KCTD9: variants seen among roughly 807,000 people sequenced by gnomAD.
KCTD9 encodes the protein potassium channel tetramerization domain containing 9, also known as BTB/POZ domain-containing protein KCTD9.
Under a neutral mutation model 53.3 loss-of-function variants are expected in KCTD9, and 17 were observed. The ratio of observed to expected loss-of-function variants is 0.32; its 90% CI spans 0.22 to 0.48. The LOEUF (loss-of-function observed/expected upper bound fraction) is 0.48, where lower values mean the gene tolerates loss of function less well. Ranked by LOEUF, KCTD9 falls within the 20% of genes least tolerant of loss-of-function variation. The pLI is 0.99. For missense variants in KCTD9, 179 were observed against 465.5 expected, an observed-to-expected ratio of 0.38 and a Z score of 5.66; for synonymous variants, 128 against 162.7, an observed-to-expected ratio of 0.79 and a Z score of 1.62.
chr8:25,456,909 T>G (rs1459037774), intron 1 of KCTD9, among the ~76,000 whole-genome samples: 2 of 152,220 alleles, frequency 1.3e-5, no homozygotes, highest in Non-Finnish European at 2.9e-5. Context: ...TTGAACATAC[T>G]AAATCTTTCT....
chr8:25,457,439 G>A (rs910032403), intron 1 of KCTD9: 1 of 913,950 alleles, frequency 1.1e-6, no homozygotes, highest in Non-Finnish European at 1.3e-6. Context: ...AAGAGAATTC[G>A]TTTTGGCTTG....
chr8:25,446,781 A>G (rs1693645696), intron 1 of KCTD9, among the ~76,000 whole-genome samples: 1 of 152,206 alleles, frequency 6.6e-6, no homozygotes, highest in African/African-American at 2.4e-5. Flanking sequence ...TGTTTATTAT[A>G]TCATTAACGA....
At chr8:25,434,246 T>C (rs749385263) in intron 9 of KCTD9, among the ~76,000 whole-genome samples, 3 of 152,076 alleles carry the variant, frequency 2.0e-5, no homozygotes, top group Non-Finnish European at 4.4e-5. Context: ...ATTACAGGCA[T>C]GCACCACCAC....
At chr8:25,435,227 A>G in intron 9 of KCTD9, 136 bp downstream of exon 9, 1 of 565,790 alleles carries the variant, frequency 1.8e-6, no homozygotes, top group East Asian at 3.3e-5. Context: ...TTAGTCTTAT[A>G]TCAACATAAT....
At chr8:25,440,882 G>C (rs1218538074) in intron 3 of KCTD9, among the ~76,000 whole-genome samples, 1 of 152,192 alleles carries the variant, frequency 6.6e-6, no homozygotes, top group African/African-American at 2.4e-5. Context: ...AGAGCAGCAT[G>C]CTTTCAGCGC....
At chr8:25,442,057 C>T (rs1430833412) in intron 3 of KCTD9, among the ~76,000 whole-genome samples, 1 of 151,844 alleles carries the variant, frequency 6.6e-6, no homozygotes, top group Non-Finnish European at 1.5e-5. Context: ...ACATAAAAGA[C>T]AAGTGTAAAA....
intron 11 of KCTD9, among the ~76,000 whole-genome samples, chr8:25,431,118 A>C (rs1037051938): frequency 6.6e-6 from 1 of 152,194 alleles, no homozygotes; most frequent in South Asian, 2.1e-4. Flanking sequence ...GGCATGAGCC[A>C]CTGCGCCTGG....
At chr8:25,457,096 T>C (rs1802456220) in intron 1 of KCTD9, among the ~76,000 whole-genome samples, 1 of 152,198 alleles carries the variant, frequency 6.6e-6, no homozygotes, top group Non-Finnish European at 1.5e-5. Context: ...ATTAAATCTC[T>C]AAGACCAAAA....
chr8:25,443,274 T>C (rs1353484677), intron 3 of KCTD9, among the ~76,000 whole-genome samples: 1 of 152,082 alleles, frequency 6.6e-6, no homozygotes, highest in African/African-American at 2.4e-5. Flanking sequence ...AAAATGTTGA[T>C]CCAGGTCTGA....
chr8:25,441,960 T>C (rs1802131085), intron 3 of KCTD9, among the ~76,000 whole-genome samples: 1 of 152,008 alleles, frequency 6.6e-6, no homozygotes, highest in Non-Finnish European at 1.5e-5. Flanking sequence ...GCCAAGATCA[T>C]ACCACTGCAC....
At chr8:25,453,759 A>G (rs752555205) in intron 1 of KCTD9, among the ~76,000 whole-genome samples, 14 of 152,220 alleles carry the variant, frequency 9.2e-5, no homozygotes, top group Non-Finnish European at 7.3e-5. Context: ...GAACGTGGAT[A>G]AACACATTAT....
chr8:25,446,028 C>T, intron 2 of KCTD9, 101 bp downstream of exon 2: 3 of 1,452,068 alleles, frequency 2.1e-6, no homozygotes, highest in South Asian at 2.8e-5. Flanking sequence ...TTGCCAAAAT[C>T]CTGTACTCTT....
chr8:25,446,663 C>A (rs1313714704), intron 1 of KCTD9, among the ~76,000 whole-genome samples: 1 of 152,228 alleles, frequency 6.6e-6, no homozygotes, highest in Non-Finnish European at 1.5e-5. Flanking sequence ...TGAGTTCATG[C>A]ATAAGAGCTT....
intron 1 of KCTD9, chr8:25,457,484 T>C: frequency 2.2e-6 from 1 of 457,388 alleles, no homozygotes; most frequent in Non-Finnish European, 2.9e-6. Flanking sequence ...CACCACACTC[T>C]CCGCAAAGGC....
At chr8:25,432,783 AAC>A (rs1181784605) in intron 10 of KCTD9, 146 bp from the exon 11 acceptor site, 6 of 660,972 alleles carry the variant, frequency 9.1e-6, no homozygotes, top group African/African-American at 1.9e-5. Flanking sequence ...TATATATATA[AAC>A]AGTTTACTGA....
At chr8:25,434,669 T>TA (rs1801987474) in intron 9 of KCTD9, among the ~76,000 whole-genome samples, 1 of 152,132 alleles carries the variant, frequency 6.6e-6, no homozygotes, top group East Asian at 1.9e-4. Flanking sequence ...AAGCTGCAGC[T>TA]AATGAGTAAA....
chr8:25,458,173 G>A, intron 1 of KCTD9, 26 bp downstream of exon 1: 3 of 581,710 alleles, frequency 5.2e-6, no homozygotes, highest in South Asian at 2.6e-5. Context: ...CCCCCGGCCC[G>A]CCGCGCCCCC....
chr8:25,448,379 T>C (rs561786122), intron 1 of KCTD9, among the ~76,000 whole-genome samples: 37 of 152,224 alleles, frequency 2.4e-4, no homozygotes, highest in Admixed American at 2.1e-3. Context: ...TACCAAGGCA[T>C]AGATGGGAAT....
chr8:25,436,687 T>C (rs1026234959), intron 6 of KCTD9, among the ~76,000 whole-genome samples: 1 of 152,146 alleles, frequency 6.6e-6, no homozygotes, highest in Non-Finnish European at 1.5e-5. Context: ...GTTTAAAAAG[T>C]ACAAAAAAGT....
Sources: allele counts gnomAD v4.1 joint callset (sites outside exome capture counted in the v4.1 genomes callset), GRCh38; gene constraint gnomAD v4.1.1; transcripts MANE v1.5; gene names NCBI Gene and HGNC (gene_info 2026-07-23, HGNC 2026-07-21).